The following MAPKBP1 variants were observed in gnomAD, a reference collection of about 807,000 sequenced individuals.
The protein encoded by MAPKBP1 is mitogen-activated protein kinase binding protein 1.
In MAPKBP1, 71 loss-of-function variants were observed where a neutral mutation model predicts 170.5. The ratio of observed to expected loss-of-function variants is 0.42; its 90% CI spans 0.34 to 0.51. The LOEUF (loss-of-function observed/expected upper bound fraction) is 0.51. Ranked by LOEUF, MAPKBP1 falls within the 20% of genes least tolerant of loss-of-function variation. MAPKBP1 has a pLI of 0.06. For synonymous variants in MAPKBP1, 719 were observed against 757.9 expected (o/e 0.95, Z 0.84); for missense variants, 1,598 against 1,933.0 (o/e 0.83, Z 3.25).
intron 2 of MAPKBP1, among the ~76,000 whole-genome samples, chr15:41,793,053 G>C (rs916589712): frequency 6.6e-6 from 1 of 152,150 alleles, no homozygotes; most frequent in East Asian, 1.9e-4. Context: ...TGTCAGGACA[G>C]ATTGAATGCA....
At position 41,824,557 on chromosome 15, in the gene MAPKBP1, G is replaced by A; in HGVS notation, c.4287G>A (p.Arg1429=). Residue 1429 remains arginine (R), a synonymous_variant, in exon 30 of 31, where the codon CGG becomes CGA. Transcript: ENST00000457542. The part of the protein sequence containing the change: ...ELRGSVRQAV[R]LYHSVAGCKM... ...GCGGCAGCGTGCGCCAGGCAGTGCG[G>A]CTCTACCACTCGGTGGGTGTTAGGT... 2 of 1,596,960 alleles carry A rather than the reference G, an allele frequency of 1.3e-6. No homozygotes were observed. The highest frequency in any genetic ancestry group is 8.5e-7 in the Non-Finnish European group (1 of 1,173,398).
At chr15:41,822,853 G>A (rs2065024204) in intron 27 of MAPKBP1, 86 bp from the exon 28 acceptor site, 2 of 1,512,658 alleles carry the variant, frequency 1.3e-6, no homozygotes, top group South Asian at 1.2e-5. Flanking sequence ...CTCTCCTAGT[G>A]CCCTGGTGCT....
At chr15:41,819,139 A>T in intron 20 of MAPKBP1, 107 bp from the exon 21 acceptor site, 2 of 1,448,298 alleles carry the variant, frequency 1.4e-6, no homozygotes, top group Admixed American at 1.8e-5. Flanking sequence ...CCCCCTATTG[A>T]GTCTCATCTT....
At chr15:41,799,413 C>T (rs1426609756) in intron 2 of MAPKBP1, among the ~76,000 whole-genome samples, 1 of 152,134 alleles carries the variant, frequency 6.6e-6, no homozygotes, top group Admixed American at 6.5e-5. Flanking sequence ...AGTGGCCTTT[C>T]CTTCATGCCT....
chr15:41,778,437 A>C (rs546632853), intron 2 of MAPKBP1, among the ~76,000 whole-genome samples: 1 of 152,312 alleles, frequency 6.6e-6, no homozygotes, highest in Non-Finnish European at 1.5e-5. Flanking sequence ...ATATGGCTAA[A>C]AGCTGGTGTG....
rs1005130274 is a variant in MAPKBP1 at position 41,827,130 on chromosome 15, C to G, written c.*1694C>G. 1 of 124,352 alleles carries G rather than the reference C, an allele frequency of 8.0e-6. No homozygotes were observed. The highest frequency in any genetic ancestry group is 3.1e-5 in the African/African-American group (1 of 32,062). The allele number at this position is 124,352 out of a possible 1,614,324, so 7.7% of individuals were successfully genotyped here. A position where few individuals can be genotyped will look rare whatever the true frequency, so the allele number is the denominator to read the frequency against. On this transcript the variant is annotated 3_prime_UTR_variant, in exon 31 of 31. Coordinates refer to ENST00000457542, the MANE Select transcript of MAPKBP1 (RefSeq NM_014994.3). The stretch of plus-strand genomic sequence containing the variant: ...GGCCAACATGGTGAAACCCTGTCTA[C>G]TAAAAATAAAAAAATTAGCTGGGCG...
Position 41,774,591 on chromosome 15 carries a change from G to A in MAPKBP1, c.-129G>A, listed in dbSNP as rs2064063298. 2.5e-6 allele frequency: 1 copy of A among 398,764 alleles called. No individual in the cohort carries two copies. The highest frequency in any genetic ancestry group is 3.6e-5 in the East Asian group (1 of 28,082). 24.7% of individuals were successfully genotyped at this position (398,764 alleles called of 1,614,324 possible). A position where few individuals can be genotyped will look rare whatever the true frequency, so the allele number is the denominator to read the frequency against. Reference sequence around the variant, plus strand: ...GCCCGAGGGCGCTGTGAGCGGGGTGGCCTTAGCTCGCCGAGGCTGGTGAGG... The same window carrying A: ...GCCCGAGGGCGCTGTGAGCGGGGTGACCTTAGCTCGCCGAGGCTGGTGAGG... On this transcript the variant is annotated 5_prime_UTR_variant, in exon 1 of 31. Transcript: ENST00000457542.
At chr15:41,780,917 G>T (rs1361960695) in intron 2 of MAPKBP1, among the ~76,000 whole-genome samples, 1 of 152,062 alleles carries the variant, frequency 6.6e-6, no homozygotes, top group Non-Finnish European at 1.5e-5. Context: ...CAGGTCCAGT[G>T]CTTCTTCATT....
At chr15:41,810,444 C>T (rs1007456599) in intron 3 of MAPKBP1, among the ~76,000 whole-genome samples, 4 of 150,720 alleles carry the variant, frequency 2.7e-5, no homozygotes, top group South Asian at 2.1e-4. Context: ...AGGCTGGGCA[C>T]GGTGGCTTAT....
rs1433495569 is a variant in MAPKBP1, at chr15:41,822,257, G to A, written c.3064G>A (p.Gly1022Ser). ...GAGCACGGAGCCCCTCAGTGTGGATGGCATCTCCTCAGACCTTGAAGAGCC... is the reference window on the plus strand; with the variant it reads ...GAGCACGGAGCCCCTCAGTGTGGATAGCATCTCCTCAGACCTTGAAGAGCC... Reference protein sequence around the residue: ...SESTEPLSVDGISSDLEEPAE... With the variant: ...SESTEPLSVDSISSDLEEPAE... The change falls in exon 26 of 31, where the codon GGC becomes AGC. Residue 1022 changes from glycine to serine, a missense_variant. Around this residue, in one of 6 missense-constraint regions of MAPKBP1, gnomAD observed 942 missense variants for 953.2 expected, o/e 0.99. Transcript: ENST00000457542. The A allele has an allele frequency of 6.2e-7, 1 of 1,613,904 alleles. No individual in the cohort carries two copies. The highest frequency in any genetic ancestry group is 2.2e-5 in the East Asian group (1 of 44,894).
intron 2 of MAPKBP1, among the ~76,000 whole-genome samples, chr15:41,783,544 T>C (rs2064226022): frequency 6.6e-6 from 1 of 152,194 alleles, no homozygotes. Flanking sequence ...TTCTTTTTAT[T>C]TCTTATCTCA....
rs750008902 is a variant in MAPKBP1, at chr15:41,821,994, G to A, written c.2915G>A (p.Gly972Glu). 1.9e-6 allele frequency: 3 copies of A among 1,610,254 alleles called. No individual in the cohort carries two copies. Among genetic ancestry groups the A allele is most frequent in the African/African-American group, 1.3e-5 (1 of 74,834 alleles). The change falls in exon 25 of 31, where the codon GGA becomes GAA. Residue 972 changes from glycine to glutamate, a missense_variant. Coordinates refer to ENST00000457542, the MANE Select transcript of MAPKBP1 (RefSeq NM_014994.3). The part of the protein sequence containing the change: ...SEFQVQAPAR[G>E]TLGRVYPGSR... ...TTCCAAGTGCAGGCTCCAGCCCGGG[G>A]AACTCTGGGAAGAGTGTACCCAGGC...
chr15:41,793,089 C>CTT (rs1433430087), intron 2 of MAPKBP1, among the ~76,000 whole-genome samples: 1 of 152,136 alleles, frequency 6.6e-6, no homozygotes, highest in Non-Finnish European at 1.5e-5. Context: ...ACCCAGCTCC[C>CTT]TTCTGTTAAG....
rs962459006 is a variant in MAPKBP1, at chr15:41,825,654, G to A, written c.*218G>A. 6 of 504,104 alleles carry A rather than the reference G, an allele frequency of 1.2e-5. No homozygotes were observed. In the South Asian group the frequency reaches 1.6e-4, roughly 14 times the overall value. The allele number at this position is 504,104 out of a possible 1,614,324, so 31.2% of individuals were successfully genotyped here. On this transcript the variant is annotated 3_prime_UTR_variant, in exon 31 of 31. Coordinates refer to ENST00000457542, the MANE Select transcript of MAPKBP1 (RefSeq NM_014994.3). ...CTTCCTTGGAACTCCTGCCTCCACA[G>A]CCCCTCCAGTGGCAGGGACAGGTCT...
chr15:41,805,032 C>T (rs2064666785), intron 3 of MAPKBP1, among the ~76,000 whole-genome samples: 1 of 152,212 alleles, frequency 6.6e-6, no homozygotes, highest in Non-Finnish European at 1.5e-5. Flanking sequence ...TCTTGTTCCT[C>T]CTGTGCCTGT....
At chr15:41,806,347 A>G (rs780855984) in intron 3 of MAPKBP1, among the ~76,000 whole-genome samples, 5 of 152,210 alleles carry the variant, frequency 3.3e-5, no homozygotes, top group Non-Finnish European at 7.3e-5. Context: ...AGTCATTCTC[A>G]GATTTTACCT....
chr15:41,805,441 G>C (rs2064673436), intron 3 of MAPKBP1, among the ~76,000 whole-genome samples: 1 of 152,238 alleles, frequency 6.6e-6, no homozygotes, highest in Non-Finnish European at 1.5e-5. Flanking sequence ...CCAGTCCTGA[G>C]AATGGGTTTC....
intron 3 of MAPKBP1, among the ~76,000 whole-genome samples, chr15:41,801,018 AGCCACCACGCCTG>A (rs1207384175): frequency 6.6e-6 from 1 of 152,210 alleles, no homozygotes; most frequent in Non-Finnish European, 1.5e-5. Flanking sequence ...TACAGGCGTG[AGCCACCACGCCTG>A]GCCAGCATAA....
intron 13 of MAPKBP1, 55 bp from the exon 14 acceptor site, chr15:41,816,855 C>A: frequency 1.3e-6 from 2 of 1,553,214 alleles, no homozygotes; most frequent in Non-Finnish European, 1.7e-6. Context: ...TTTGCCAGGC[C>A]CAGATAAGGG....
Sources: allele counts gnomAD v4.1 joint callset (sites outside exome capture counted in the v4.1 genomes callset), GRCh38; gene constraint gnomAD v4.1.1; regional missense constraint gnomAD v4.1.1; transcripts MANE v1.5; gene names NCBI Gene and HGNC (gene_info 2026-07-23, HGNC 2026-07-21).